The following GRIK4 variants were observed in gnomAD, a reference collection of about 807,000 sequenced individuals.
GRIK4 encodes glutamate receptor ionotropic, kainate 4.
A neutral mutation model predicts 104.9 loss-of-function variants in GRIK4; 40 were observed. That is an observed-to-expected ratio of 0.38 (90% CI 0.30 to 0.50). The LOEUF is 0.50. Among genes scored for constraint, GRIK4 ranks in the 20% least tolerant of loss-of-function variants. GRIK4 has a pLI of 0.93. For synonymous variants in GRIK4, 485 were observed against 524.9 expected, an observed-to-expected ratio of 0.92 and a Z score of 1.04; for missense variants, 1,047 against 1,308.1, an observed-to-expected ratio of 0.80 and a Z score of 3.08.
chr11:120,705,095 C>G (rs1448648305), intron 3 of GRIK4, among the ~76,000 whole-genome samples: 2 of 152,118 alleles, frequency 1.3e-5, no homozygotes, highest in African/African-American at 4.8e-5. Context: ...ATTACTGTAG[C>G]TTTGTAGTTA....
chr11:120,824,762 C>T lies in GRIK4; in HGVS notation c.511+4842C>T, dbSNP rs546990366. Among the ~76,000 whole-genome samples, 18 of 152,166 alleles carry T rather than the reference C, an allele frequency of 1.2e-4. No individual in the cohort carries two copies. The South Asian group carries it at 2.9e-3, about 25-fold the overall frequency. On this transcript the variant is annotated intron_variant, in intron 6 of 20. Coordinates refer to ENST00000527524, the MANE Select transcript of GRIK4 (RefSeq NM_014619.5). ...GACAGGTTTCACCATGTTGGCCAGG[C>T]TGGTCTCGAACCCCTGACCTCAGGT...
chr11:120,975,757 T>C (rs752287836), intron 19 of GRIK4, among the ~76,000 whole-genome samples: 1 of 152,096 alleles, frequency 6.6e-6, no homozygotes, highest in Non-Finnish European at 1.5e-5. Context: ...ATCACCCCCC[T>C]GCAGCATGAG....
At chr11:120,752,964 G>A (rs947351832) in intron 3 of GRIK4, among the ~76,000 whole-genome samples, 1 of 152,256 alleles carries the variant, frequency 6.6e-6, no homozygotes, top group African/African-American at 2.4e-5. Context: ...TGGCCTGGAG[G>A]TGCCTCCTCG....
At chr11:120,539,384 G>T (rs1948009493) in intron 1 of GRIK4, among the ~76,000 whole-genome samples, 1 of 152,198 alleles carries the variant, frequency 6.6e-6, no homozygotes, top group Non-Finnish European at 1.5e-5. Flanking sequence ...CCTTATGTTC[G>T]TATCCACTTC....
intron 1 of GRIK4, among the ~76,000 whole-genome samples, chr11:120,631,910 A>G (rs1949337666): frequency 6.6e-6 from 1 of 152,106 alleles, no homozygotes; most frequent in African/African-American, 2.4e-5. Context: ...GGATGAGAAC[A>G]CCAACTTGGA....
chr11:120,680,221 G>T (rs1485747941), intron 3 of GRIK4, among the ~76,000 whole-genome samples: 1 of 152,196 alleles, frequency 6.6e-6, no homozygotes, highest in African/African-American at 2.4e-5. Flanking sequence ...GGGACTACAG[G>T]TGCGCTCCAG....
intron 3 of GRIK4, among the ~76,000 whole-genome samples, chr11:120,782,946 A>G (rs899403568): frequency 5.3e-5 from 8 of 152,316 alleles, no homozygotes; most frequent in Admixed American, 1.3e-4. Context: ...CGAAGAGTGC[A>G]TGAGGCCTCT....
intron 3 of GRIK4, among the ~76,000 whole-genome samples, chr11:120,802,062 A>G (rs761196729): frequency 2.0e-5 from 3 of 152,360 alleles, no homozygotes; most frequent in Non-Finnish European, 4.4e-5. Context: ...CCACTTCCAC[A>G]CATTATCTTA....
At chr11:120,930,187 T>C (rs1330540576) in intron 13 of GRIK4, among the ~76,000 whole-genome samples, 1 of 152,224 alleles carries the variant, frequency 6.6e-6, no homozygotes, top group African/African-American at 2.4e-5. Context: ...GCTGCGTGTA[T>C]TTGAGCAAAT....
intron 8 of GRIK4, among the ~76,000 whole-genome samples, chr11:120,846,071 C>A (rs1953845736): frequency 6.6e-6 from 1 of 152,160 alleles, no homozygotes; most frequent in Non-Finnish European, 1.5e-5. Flanking sequence ...CTATTCTCTG[C>A]ACATGGTTGT....
intron 3 of GRIK4, among the ~76,000 whole-genome samples, chr11:120,672,448 G>T: frequency 6.6e-6 from 1 of 152,176 alleles, no homozygotes; most frequent in African/African-American, 2.4e-5. Flanking sequence ...AATTTAAAGT[G>T]TTTTTTCTAA....
Position 120,830,041 on chromosome 11 carries a change from C to T in GRIK4, c.512-1811C>T, listed in dbSNP as rs983074149. Among the ~76,000 whole-genome samples, 10 of 152,182 alleles carry T rather than the reference C, an allele frequency of 6.6e-5. 1 individual carries two copies. The highest frequency in any genetic ancestry group is 2.4e-4 in the African/African-American group (10 of 41,426). Reference sequence around the variant, plus strand: ...TAAATAACAGGCCTTCCCAGGGCTTCTTCCCAACCTGCCACAGCCTCCAGC... The same window carrying T: ...TAAATAACAGGCCTTCCCAGGGCTTTTTCCCAACCTGCCACAGCCTCCAGC... On this transcript the variant is annotated intron_variant, in intron 6 of 20. Coordinates refer to ENST00000527524, the MANE Select transcript of GRIK4 (RefSeq NM_014619.5).
chr11:120,908,741 G>A (rs1369363170), intron 13 of GRIK4, among the ~76,000 whole-genome samples: 2 of 152,206 alleles, frequency 1.3e-5, no homozygotes, highest in East Asian at 3.8e-4. Flanking sequence ...CGCAAGGAGG[G>A]GGAAACTTGT....
At chr11:120,817,914 A>G (rs1268977087) in intron 5 of GRIK4, among the ~76,000 whole-genome samples, 1 of 152,240 alleles carries the variant, frequency 6.6e-6, no homozygotes, top group African/African-American at 2.4e-5. Context: ...TACATTAGGT[A>G]TTGAACTATT....
chr11:120,842,632 T>C (rs1346593023), intron 8 of GRIK4, among the ~76,000 whole-genome samples: 1 of 152,248 alleles, frequency 6.6e-6, no homozygotes, highest in South Asian at 2.1e-4. Context: ...CAGCACTTAG[T>C]TATAAGGATG....
chr11:120,595,995 C>T (rs758582735), intron 1 of GRIK4, among the ~76,000 whole-genome samples: 26 of 152,256 alleles, frequency 1.7e-4, no homozygotes, highest in East Asian at 7.7e-4. Flanking sequence ...TACAGGCGTG[C>T]GCCACCACGG....
intron 1 of GRIK4, among the ~76,000 whole-genome samples, chr11:120,603,300 G>A (rs1354275872): frequency 3.3e-5 from 5 of 152,208 alleles, no homozygotes; most frequent in Non-Finnish European, 7.3e-5. Flanking sequence ...TGGCTTGGTC[G>A]GCTCGAGAGT....
intron 1 of GRIK4, among the ~76,000 whole-genome samples, chr11:120,527,568 C>G (rs1038636602): frequency 2.0e-5 from 3 of 152,216 alleles, no homozygotes; most frequent in Admixed American, 6.5e-5. Context: ...CCCAGACACT[C>G]GCACCTGCAT....
intron 1 of GRIK4, among the ~76,000 whole-genome samples, chr11:120,518,823 G>T (rs76900803): frequency 0.011 from 1,677 of 152,206 alleles, 46 homozygotes; most frequent in East Asian, 0.063. Context: ...GTTTCACCAT[G>T]GACCAGGCTG....
Sources: allele counts gnomAD v4.1 joint callset (sites outside exome capture counted in the v4.1 genomes callset), GRCh38; gene constraint gnomAD v4.1.1; transcripts MANE v1.5; gene names NCBI Gene and HGNC (gene_info 2026-07-23, HGNC 2026-07-21).